SORCS2: variants seen among roughly 807,000 people sequenced by gnomAD.
SORCS2 encodes the protein VPS10 domain-containing receptor SorCS2.
In SORCS2, 100 loss-of-function variants were observed where a neutral mutation model predicts 141.6. That is an observed-to-expected ratio of 0.71 (90% CI 0.60 to 0.83). The LOEUF (loss-of-function observed/expected upper bound fraction) is 0.83, where lower values mean the gene tolerates loss of function less well. Among genes scored for constraint, SORCS2 ranks in the 40% least tolerant of loss-of-function variants. The pLI, the probability that SORCS2 is intolerant of heterozygous loss-of-function variation, is 0.00. For missense variants in SORCS2, 1,646 were observed against 1,560.2 expected, an observed-to-expected ratio of 1.05 and a Z score of -0.93; for synonymous variants, 789 against 676.9, an observed-to-expected ratio of 1.17 and a Z score of -2.57.
At chr4:7,717,005 G>A (rs1369074252) in intron 17 of SORCS2, among the ~76,000 whole-genome samples, 4 of 152,230 alleles carry the variant, frequency 2.6e-5, no homozygotes, top group African/African-American at 9.6e-5. Flanking sequence ...AGGGCAAGAG[G>A]GGGGATCAGC....
In SORCS2 at chr4:7,644,144, T is replaced by A. The variant is rs181821773; in HGVS notation, c.813+5652T>A. On this transcript the variant is annotated intron_variant, in intron 4 of 26. Transcript: ENST00000507866. The stretch of plus-strand genomic sequence containing the variant: ...TTACACTAGACCCCCCTTCCCAGGA[T>A]GCCTCCTGAAAGCCTGCAGTGTAGA... Among the ~76,000 whole-genome samples, 2 of 152,296 alleles carry A rather than the reference T, an allele frequency of 1.3e-5. 1 individual carries two copies. Among genetic ancestry groups the A allele is most frequent in the East Asian group, 3.9e-4 (2 of 5,184 alleles).
intron 3 of SORCS2, among the ~76,000 whole-genome samples, chr4:7,546,459 C>G (rs932836936): frequency 6.6e-6 from 1 of 152,148 alleles, no homozygotes; most frequent in African/African-American, 2.4e-5. Flanking sequence ...TATTGCATGT[C>G]GGCTCCATCG....
intron 4 of SORCS2, among the ~76,000 whole-genome samples, chr4:7,653,760 C>T (rs1260938736): frequency 2.0e-5 from 3 of 152,214 alleles, no homozygotes; most frequent in Admixed American, 1.3e-4. Context: ...CTCTGCCATC[C>T]GTTCACTGCT....
intron 2 of SORCS2, among the ~76,000 whole-genome samples, chr4:7,457,420 C>G (rs1375730790): frequency 6.7e-6 from 1 of 149,094 alleles, no homozygotes; most frequent in African/African-American, 2.6e-5. Flanking sequence ...CGCAAGCTGG[C>G]AGGTGTGAGC....
intron 3 of SORCS2, among the ~76,000 whole-genome samples, chr4:7,551,890 G>T (rs142562260): frequency 1.3e-5 from 2 of 152,154 alleles, no homozygotes; most frequent in Admixed American, 1.3e-4. Context: ...TAATACCACC[G>T]TGTAATTACT....
chr4:7,592,532 C>T (rs1309681557), intron 3 of SORCS2, among the ~76,000 whole-genome samples: 1 of 152,224 alleles, frequency 6.6e-6, no homozygotes, highest in Non-Finnish European at 1.5e-5. Flanking sequence ...TGGCCAGTGC[C>T]ACGGGGGAGT....
chr4:7,334,124 A>G (rs1014593855), intron 1 of SORCS2, among the ~76,000 whole-genome samples: 6 of 151,994 alleles, frequency 3.9e-5, no homozygotes, highest in African/African-American at 1.4e-4. Context: ...TCAAGAGCCC[A>G]CGAGGGCGGC....
At chr4:7,602,864 G>A (rs1717821185) in intron 3 of SORCS2, among the ~76,000 whole-genome samples, 1 of 152,222 alleles carries the variant, frequency 6.6e-6, no homozygotes, top group South Asian at 2.1e-4. Flanking sequence ...TCCAGCCTGG[G>A]CAACATTGAG....
chr4:7,345,962 A>C (rs1720633903), intron 1 of SORCS2, among the ~76,000 whole-genome samples: 1 of 152,204 alleles, frequency 6.6e-6, no homozygotes, highest in South Asian at 2.1e-4. Flanking sequence ...TGCTCAGTCT[A>C]GCCAAAAGGT....
chr4:7,608,139 C>T (rs1182690382), intron 3 of SORCS2, among the ~76,000 whole-genome samples: 2 of 152,174 alleles, frequency 1.3e-5, no homozygotes, highest in Non-Finnish European at 2.9e-5. Context: ...ACGCAGTTGT[C>T]CCACCAGAGC....
chr4:7,390,708 C>T (rs557077963), intron 1 of SORCS2, among the ~76,000 whole-genome samples: 1 of 152,284 alleles, frequency 6.6e-6, no homozygotes, highest in East Asian at 1.9e-4. Flanking sequence ...TGAACCTGAC[C>T]CCCGGATTAT....
chr4:7,728,507 C>T (rs374630853), intron 22 of SORCS2, 45 bp downstream of exon 22: 183 of 1,453,880 alleles, frequency 1.3e-4, no homozygotes, highest in Non-Finnish European at 1.5e-4. Flanking sequence ...ACGGTGCTTC[C>T]GGCATCCAGA....
intron 1 of SORCS2, among the ~76,000 whole-genome samples, chr4:7,292,969 T>A (rs981205140): frequency 9.9e-5 from 15 of 152,162 alleles, no homozygotes; most frequent in Non-Finnish European, 1.5e-4. Flanking sequence ...CTCTGCTGAT[T>A]TCCTTTTCTC....
chr4:7,581,840 A>G (rs1266009624), intron 3 of SORCS2, among the ~76,000 whole-genome samples: 1 of 152,224 alleles, frequency 6.6e-6, no homozygotes, highest in Non-Finnish European at 1.5e-5. Context: ...CAACTAAAAT[A>G]TCAAAAAGCA....
chr4:7,581,999 ATCAGGAATGCT>A (rs1393382771), intron 3 of SORCS2, among the ~76,000 whole-genome samples: 5 of 152,122 alleles, frequency 3.3e-5, no homozygotes, highest in Non-Finnish European at 7.3e-5. Context: ...TACCCACATT[ATCAGGAATGCT>A]TTGTAAGCAT....
At chr4:7,389,305 C>T (rs10019615) in intron 1 of SORCS2, among the ~76,000 whole-genome samples, 3,152 of 152,218 alleles carry the variant, frequency 0.021, 95 homozygotes, top group African/African-American at 0.073. Flanking sequence ...TGAATTTGGC[C>T]AAATCCTGTG....
chr4:7,267,831 CAAG>C lies in SORCS2; in HGVS notation c.480+74708_480+74710del, dbSNP rs1714851392. ...TGGGCAACAAAGCGAGACTCCGTCTCAAGAAAAAAAATACCAGCTTGTCTGGGT... is the reference window on the plus strand; with the variant it reads ...TGGGCAACAAAGCGAGACTCCGTCTCAAAAAAAATACCAGCTTGTCTGGGT... On this transcript the variant is annotated intron_variant, in intron 1 of 26. Coordinates refer to ENST00000507866, the MANE Select transcript of SORCS2 (RefSeq NM_020777.3). Among the ~76,000 whole-genome samples the C allele has an allele frequency of 5.3e-5, 8 of 152,124 alleles. No homozygotes were observed. The South Asian group carries it at 1.7e-3, about 32-fold the overall frequency.
chr4:7,463,223 G>A (rs544571480), intron 2 of SORCS2, among the ~76,000 whole-genome samples: 2 of 152,186 alleles, frequency 1.3e-5, no homozygotes, highest in African/African-American at 4.8e-5. Flanking sequence ...GGGATTAAGA[G>A]GGGGCACTGC....
intron 2 of SORCS2, among the ~76,000 whole-genome samples, chr4:7,467,799 G>C: frequency 6.6e-6 from 1 of 152,250 alleles, no homozygotes; most frequent in Non-Finnish European, 1.5e-5. Flanking sequence ...GTGGCTCCCG[G>C]AGCCGGTCCC....
Sources: gnomAD v4.1 joint callset for allele counts (sites outside exome capture counted in the v4.1 genomes callset) on GRCh38, gnomAD v4.1.1 for gene constraint, MANE v1.5 for transcripts, NCBI Gene and HGNC (gene_info 2026-07-23, HGNC 2026-07-21) for gene names.